MTF1: variants seen among roughly 807,000 people sequenced by gnomAD.
MTF1 encodes the protein MRE-binding transcription factor.
MTF1 carries 22 observed loss-of-function variants against 70.4 expected under a neutral mutation model. That is an observed-to-expected ratio of 0.31 (90% CI 0.22 to 0.45). The LOEUF is 0.45. Among genes scored for constraint, MTF1 ranks in the 20% least tolerant of loss-of-function variants. The pLI is 1.00. For missense variants in MTF1, 649 were observed against 922.0 expected, an observed-to-expected ratio of 0.70 and a Z score of 3.83; for synonymous variants, 333 against 352.8, an observed-to-expected ratio of 0.94 and a Z score of 0.63.
intron 4 of MTF1, among the ~76,000 whole-genome samples, chr1:37,836,945 G>C (rs1557593483): frequency 1.3e-5 from 2 of 150,440 alleles, no homozygotes; most frequent in African/African-American, 4.9e-5. Flanking sequence ...GGGAAGGGGG[G>C]CGGCGGGGAA....
At chr1:37,852,353 T>A (rs9725913) in intron 2 of MTF1, among the ~76,000 whole-genome samples, 146,073 of 152,270 alleles carry the variant, frequency 0.96, 70,353 homozygotes, top group East Asian at 1. Context: ...TACCAAACTC[T>A]TTAATTACCC....
intron 10 of MTF1, among the ~76,000 whole-genome samples, chr1:37,816,517 A>G (rs141924937): frequency 6.6e-6 from 1 of 152,030 alleles, no homozygotes; most frequent in Admixed American, 6.5e-5. Flanking sequence ...TCTACTAAAA[A>G]TACAAAAATT....
In MTF1 at chr1:37,814,806, C is replaced by T. The variant is rs887251085; in HGVS notation, c.*330G>A. Reference sequence around the variant, plus strand: ...TGGGCAGCATCAGATTGATGGAAACCACACCCTTTCATTTAGAATTTTTAT... The same window carrying T: ...TGGGCAGCATCAGATTGATGGAAACTACACCCTTTCATTTAGAATTTTTAT... On this transcript the variant is annotated 3_prime_UTR_variant, in exon 11 of 11. Coordinates refer to ENST00000373036, the MANE Select transcript of MTF1 (RefSeq NM_005955.3). The T allele has an allele frequency of 3.7e-6, 1 of 268,508 alleles. No homozygotes were observed. The highest frequency in any genetic ancestry group is 2.2e-5 in the African/African-American group (1 of 44,612). The allele number at this position is 268,508 out of a possible 1,614,324, so 16.6% of individuals were successfully genotyped here. A position where few individuals can be genotyped will look rare whatever the true frequency, so the allele number is the denominator to read the frequency against.
Position 37,814,933 on chromosome 1 carries a change from T to C in MTF1, c.*203A>G. On this transcript the variant is annotated 3_prime_UTR_variant, in exon 11 of 11. Transcript: ENST00000373036. ...TTATAACTTAGCTTTTTTTGTTGTT[T>C]TTTTTGTTTTTTGTTTTTTTCCAAA... 4 of 553,832 alleles carry C rather than the reference T, an allele frequency of 7.2e-6. No homozygotes were observed. The South Asian group carries it at 7.8e-5, about 11-fold the overall frequency. 34.3% of individuals were successfully genotyped at this position (553,832 alleles called of 1,614,324 possible).
intron 2 of MTF1, among the ~76,000 whole-genome samples, chr1:37,850,240 CAAAAAAA>C (rs5773605): frequency 3.0e-5 from 2 of 66,332 alleles, no homozygotes; most frequent in African/African-American, 5.6e-5. Context: ...CTGTCTCAAC[CAAAAAAA>C]AAAAAAAAAA....
chr1:37,843,703 A>T (rs1182987381), intron 2 of MTF1, among the ~76,000 whole-genome samples: 2 of 152,310 alleles, frequency 1.3e-5, no homozygotes, highest in East Asian at 3.9e-4. Context: ...CTTATGATTT[A>T]AAAAAATCAT....
chr1:37,847,681 G>A (rs1332178403), intron 2 of MTF1, among the ~76,000 whole-genome samples: 2 of 152,186 alleles, frequency 1.3e-5, no homozygotes, highest in East Asian at 3.8e-4. Flanking sequence ...ACTACAGACA[G>A]GTTCTCATTT....
chr1:37,855,698 T>G (rs1358986257), intron 2 of MTF1, among the ~76,000 whole-genome samples: 4 of 152,228 alleles, frequency 2.6e-5, no homozygotes, highest in Admixed American at 2.6e-4. Flanking sequence ...GGTTCATGCC[T>G]GTAATCCCAG....
chr1:37,846,930 G>C (rs1641340861), intron 2 of MTF1, among the ~76,000 whole-genome samples: 1 of 152,060 alleles, frequency 6.6e-6, no homozygotes, highest in African/African-American at 2.4e-5. Context: ...ATAAATGACT[G>C]GCCTGGCTGT....
chr1:37,834,532 A>C (rs1641134792), intron 6 of MTF1: 1 of 321,638 alleles, frequency 3.1e-6, no homozygotes. Flanking sequence ...GACAGACATT[A>C]TCTGCTTTAT....
chr1:37,856,724 T>C (rs1641502600), intron 2 of MTF1, among the ~76,000 whole-genome samples: 1 of 151,598 alleles, frequency 6.6e-6, no homozygotes, highest in African/African-American at 2.4e-5. Context: ...GCTCTCGAAC[T>C]CCTGACCTCA....
At position 37,835,205 on chromosome 1, in the gene MTF1, G is replaced by A. The variant is rs1202773660; in HGVS notation, c.864C>T (p.Pro288=). Residue 288 remains proline, a synonymous_variant, in exon 6 of 11, where the codon CCC becomes CCT. Coordinates refer to ENST00000373036, the MANE Select transcript of MTF1 (RefSeq NM_005955.3). ...THVRTHTGER[P]FFCPSNGCEK... ...CACAGCCATTACTGGGGCAGAAGAA[G>A]GGTCTTTCACCTGCAAGAATAACAA... 5 of 1,613,582 alleles carry A rather than the reference G, an allele frequency of 3.1e-6. No homozygotes were observed. Among genetic ancestry groups the A allele is most frequent in the Non-Finnish European group, 4.2e-6 (5 of 1,179,526 alleles).
chr1:37,814,897 A>T lies in MTF1; in HGVS notation c.*239T>A. 2.0e-6 allele frequency: 1 copy of T among 497,708 alleles called. No individual in the cohort carries two copies. Among genetic ancestry groups the T allele is most frequent in the African/African-American group, 1.9e-5 (1 of 52,098 alleles). 30.8% of individuals were successfully genotyped at this position (497,708 alleles called of 1,614,324 possible). A position where few individuals can be genotyped will look rare whatever the true frequency, so the allele number is the denominator to read the frequency against. On this transcript the variant is annotated 3_prime_UTR_variant, in exon 11 of 11. Coordinates refer to ENST00000373036, the MANE Select transcript of MTF1 (RefSeq NM_005955.3). ...AGCAAAAGTGACATACAGTGCAGCC[A>T]AACAGTTCACTTATAACTTAGCTTT...
chr1:37,822,461 G>A lies in MTF1; in HGVS notation c.1427C>T (p.Thr476Ile). The change falls in exon 9 of 11, where the codon ACA (threonine) becomes ATA (isoleucine). Residue 476 changes from threonine to isoleucine, a missense_variant. Physicochemically the swap from Thr to Ile is moderately conservative, Grantham distance 89. This residue lies in a region of MTF1 where 267 missense variants were observed against 292.1 expected (regional missense o/e 0.91). Transcript: ENST00000373036. ...QPPEVPVPHSTQFAANHQEFL... is the reference protein window; with the variant it reads ...QPPEVPVPHSIQFAANHQEFL... ...CTCTTGATGATTAGCAGCAAACTGT[G>A]TGCTGTGGGGAACAGGCACTTCTGG... 1 of 1,614,140 alleles carries A rather than the reference G, an allele frequency of 6.2e-7. No individual in the cohort carries two copies. The highest frequency in any genetic ancestry group is 8.5e-7 in the Non-Finnish European group (1 of 1,180,020).
chr1:37,857,173 C>T, intron 2 of MTF1, 78 bp downstream of exon 2: 1 of 1,441,590 alleles, frequency 6.9e-7, no homozygotes, highest in East Asian at 2.3e-5. Context: ...CTTTACTCCC[C>T]AGCTAAAATT....
intron 2 of MTF1, among the ~76,000 whole-genome samples, chr1:37,844,323 TC>T (rs1170875616): frequency 2.0e-5 from 3 of 152,192 alleles, no homozygotes; most frequent in Non-Finnish European, 4.4e-5. Flanking sequence ...AATGCCTAGT[TC>T]CTTCCTTCTC....
intron 10 of MTF1, 54 bp downstream of exon 10, chr1:37,817,365 C>A (rs767877461): frequency 1.5e-5 from 16 of 1,057,146 alleles, no homozygotes; most frequent in Non-Finnish European, 2.3e-5. Context: ...ATTAGCTGTG[C>A]CTCAAGGGAC....
In MTF1 at chr1:37,854,747, C is replaced by T. The variant is rs181384782; in HGVS notation, c.408+2504G>A. On this transcript the variant is annotated intron_variant, in intron 2 of 10. Coordinates refer to ENST00000373036, the MANE Select transcript of MTF1 (RefSeq NM_005955.3). ...TAGTTGACTCACACTTATGAGACTG[C>T]GCTCAACTGCAGATTTTAAAAGGAC... 7.3e-3 allele frequency among the ~76,000 whole-genome samples: 1,116 copies of T among 152,296 alleles called. 9 individuals carry two copies. Among genetic ancestry groups the T allele is most frequent in the Non-Finnish European group, 0.011 (730 of 68,030 alleles).
rs1431224327 is a variant in MTF1, at chr1:37,840,048, A to T, written c.519T>A (p.Asn173Lys). ...THRGEYTFVC[N>K]QEGCGKAFLT... ...GGAAGGCTTTGCCACAGCCCTCCTG[A>T]TTACAGACAAAGGTGTACTCTCCTC... The change falls in exon 3 of 11, where the codon AAT becomes AAA. Residue 173 changes from asparagine (N) to lysine (K), a missense_variant. By Grantham distance (94) the Asn-to-Lys change is moderately conservative. Coordinates refer to ENST00000373036, the MANE Select transcript of MTF1 (RefSeq NM_005955.3). The surrounding 1 kb of genome is among the most constrained non-coding windows in gnomAD (Gnocchi z 4.5). 6.2e-7 allele frequency: 1 copy of T among 1,614,226 alleles called. No individual in the cohort carries two copies. The highest frequency in any genetic ancestry group is 1.1e-5 in the South Asian group (1 of 91,086).
Sources: gnomAD v4.1 joint callset for allele counts (sites outside exome capture counted in the v4.1 genomes callset) on GRCh38, gnomAD v4.1.1 for gene constraint, gnomAD v4.1.1 regional missense constraint, Gnocchi (gnomAD v3.1) non-coding constraint, MANE v1.5 for transcripts, NCBI Gene and HGNC (gene_info 2026-07-23, HGNC 2026-07-21) for gene names.